The following CACNA1A variants were observed in gnomAD, a reference collection of about 807,000 sequenced individuals.
The protein encoded by CACNA1A is voltage-dependent P/Q-type calcium channel subunit alpha-1A.
CACNA1A carries 57 observed loss-of-function variants against 262.4 expected under a neutral mutation model. That is an observed-to-expected ratio of 0.22 (90% CI 0.18 to 0.27). The LOEUF (loss-of-function observed/expected upper bound fraction) is 0.27, where lower values mean the gene tolerates loss of function less well. Ranked by LOEUF, CACNA1A falls within the 10% of genes least tolerant of loss-of-function variation. The pLI is 1.00. For synonymous variants in CACNA1A, 1,431 were observed against 1,419.3 expected (o/e 1.01, Z -0.18); for missense variants, 2,526 against 3,562.8 (o/e 0.71, Z 7.41).
intron 4 of CACNA1A, among the ~76,000 whole-genome samples, chr19:13,368,912 C>T (rs926225185): frequency 7.0e-6 from 1 of 143,414 alleles, no homozygotes; most frequent in Non-Finnish European, 1.5e-5. Context: ...GTAGCGGGCG[C>T]CTGTAGTCCC....
intron 6 of CACNA1A, among the ~76,000 whole-genome samples, chr19:13,338,403 C>G (rs569912334): frequency 3.3e-5 from 5 of 152,130 alleles, no homozygotes; most frequent in African/African-American, 1.2e-4. Flanking sequence ...GTTACTGATC[C>G]AAGATCACTA....
At chr19:13,233,318 G>T (rs1600134353) in intron 34 of CACNA1A, among the ~76,000 whole-genome samples, 1 of 151,758 alleles carries the variant, frequency 6.6e-6, no homozygotes, top group Non-Finnish European at 1.5e-5. Context: ...TTCTTTTTTT[G>T]TTGTTAGATT....
At chr19:13,276,695 CTCT>C (rs1402062989) in intron 23 of CACNA1A, among the ~76,000 whole-genome samples, 1 of 89,916 alleles carries the variant, frequency 1.1e-5, no homozygotes, top group Non-Finnish European at 2.3e-5. Flanking sequence ...GGAATCCCAG[CTCT>C]TTTTTTTTTT....
At chr19:13,413,101 T>G (rs1018521289) in intron 3 of CACNA1A, among the ~76,000 whole-genome samples, 3 of 55,152 alleles carry the variant, frequency 5.4e-5, no homozygotes, top group Admixed American at 5.0e-4. Flanking sequence ...AAGTTTTTTG[T>G]TTTTTTTTTT....
Position 13,308,082 on chromosome 19 carries a change from C to T in CACNA1A, c.1913+38G>A, listed in dbSNP as rs1220700822. On this transcript the variant is annotated intron_variant, in intron 14 of 46. Coordinates refer to ENST00000360228, the MANE Select transcript of CACNA1A (RefSeq NM_001127222.2). This position sits in a 1 kb window ranked among gnomAD's most constrained non-coding sequence, Gnocchi z 4.2. Reference sequence around the variant, plus strand: ...ACTGTGTGTTCCCTGAGCCTGACCCCAGGGAACCAGGAGTTGGAATTCCTG... The same window carrying T: ...ACTGTGTGTTCCCTGAGCCTGACCCTAGGGAACCAGGAGTTGGAATTCCTG... 6 of 1,611,862 alleles carry T rather than the reference C, an allele frequency of 3.7e-6. No homozygotes were observed. Among genetic ancestry groups the T allele is most frequent in the Non-Finnish European group, 5.1e-6 (6 of 1,178,734 alleles).
At chr19:13,354,869 C>CTTTTT (rs56350383) in intron 6 of CACNA1A, among the ~76,000 whole-genome samples, 95 of 114,956 alleles carry the variant, frequency 8.3e-4, no homozygotes, top group East Asian at 1.7e-3. Flanking sequence ...TTTTCTTTTT[C>CTTTTT]TTTTTTTTTT....
intron 24 of CACNA1A, among the ~76,000 whole-genome samples, chr19:13,264,706 T>G (rs2056821219): frequency 6.6e-6 from 1 of 152,308 alleles, no homozygotes; most frequent in Middle Eastern, 3.4e-3. Context: ...AAATTACCTG[T>G]TGCTCCCTCC....
chr19:13,470,489 T>G (rs1276185697), intron 1 of CACNA1A, among the ~76,000 whole-genome samples: 5 of 152,226 alleles, frequency 3.3e-5, no homozygotes, highest in Non-Finnish European at 5.9e-5. Context: ...TCTTTTTCTA[T>G]CCAATCTCTA....
At chr19:13,304,733 A>T (rs1163918824) in intron 15 of CACNA1A, among the ~76,000 whole-genome samples, 1 of 151,376 alleles carries the variant, frequency 6.6e-6, no homozygotes. Context: ...ATGAGGACAC[A>T]GCAAGAAGGT....
At chr19:13,314,650 G>A (rs192807520) in intron 11 of CACNA1A, among the ~76,000 whole-genome samples, 95 of 152,280 alleles carry the variant, frequency 6.2e-4, no homozygotes, top group African/African-American at 2.2e-3. Flanking sequence ...CCAGAACTGT[G>A]AGAAAATAAA....
At position 13,230,116 on chromosome 19, in the gene CACNA1A, C is replaced by A; in HGVS notation, c.5494G>T (p.Val1832Leu). ...ILGPHHLDEYVRVWAEYDPAA... is the reference protein window; with the variant it reads ...ILGPHHLDEYLRVWAEYDPAA... ...GGGTCATACTCGGCCCAGACACGCA[C>A]GTACTCATCCAGGTGGTGGGGGCCC... is the stretch of plus-strand genomic sequence containing the variant. Residue 1832 changes from valine to leucine, a missense_variant, in exon 36 of 47, where the codon GTG becomes TTG. Physicochemically the swap from Val to Leu is conservative, Grantham distance 32 (BLOSUM62 1). Around this residue, in one of 17 missense-constraint regions of CACNA1A, gnomAD observed 112 missense variants for 197.2 expected, o/e 0.57. Transcript: ENST00000360228. The A allele has an allele frequency of 6.2e-7, 1 of 1,613,866 alleles. No homozygotes were observed. Among genetic ancestry groups the A allele is most frequent in the Non-Finnish European group, 8.5e-7 (1 of 1,179,860 alleles).
chr19:13,287,722 G>A (rs563506372), intron 19 of CACNA1A, among the ~76,000 whole-genome samples: 2 of 151,220 alleles, frequency 1.3e-5, no homozygotes, highest in East Asian at 1.9e-4. Flanking sequence ...GGCTGGTCTC[G>A]AATTCCTGAC....
chr19:13,312,125 T>C (rs1198363091), intron 12 of CACNA1A, among the ~76,000 whole-genome samples: 1 of 152,206 alleles, frequency 6.6e-6, no homozygotes, highest in East Asian at 1.9e-4. Flanking sequence ...CGTAGATTAT[T>C]CTCCAGGACT....
intron 3 of CACNA1A, among the ~76,000 whole-genome samples, chr19:13,414,744 G>A (rs2060191786): frequency 6.6e-6 from 1 of 152,036 alleles, no homozygotes; most frequent in African/African-American, 2.4e-5. Context: ...GATCGCTTGA[G>A]CCCAGGAGTT....
At chr19:13,246,064 G>A (rs1026585055) in intron 30 of CACNA1A, among the ~76,000 whole-genome samples, 4 of 152,188 alleles carry the variant, frequency 2.6e-5, no homozygotes, top group African/African-American at 9.7e-5. Context: ...AGGCCTCAGA[G>A]AGCCCACAGT....
rs759331923 is a variant in CACNA1A at position 13,208,879 on chromosome 19, A to ATGG, written c.6654_6656dup (p.His2219dup). The ATGG allele has an allele frequency of 6.8e-4, 987 of 1,453,796 alleles. No individual in the cohort carries two copies. Among genetic ancestry groups the ATGG allele is most frequent in the Middle Eastern group, 2.0e-3 (10 of 5,082 alleles). The allele number at this position is 1,453,796 out of a possible 1,614,324, so 90.1% of individuals were successfully genotyped here. A position where few individuals can be genotyped will look rare whatever the true frequency, so the allele number is the denominator to read the frequency against. ...AGCGGTCCTTGTCGGGGGGCGGGGG[A>ATGG]TGGTGGTGGTGGTGGTGGTGGTGGT... On this transcript the variant is annotated inframe_insertion, in exon 46 of 47. Transcript: ENST00000360228.
chr19:13,428,711 A>C (rs746776697), intron 3 of CACNA1A, among the ~76,000 whole-genome samples: 9 of 152,130 alleles, frequency 5.9e-5, no homozygotes, highest in Non-Finnish European at 1.0e-4. Flanking sequence ...TGGGATTCCC[A>C]AATCCAAATG....
chr19:13,448,928 A>G (rs1027948109), intron 3 of CACNA1A, among the ~76,000 whole-genome samples: 1 of 151,872 alleles, frequency 6.6e-6, no homozygotes, highest in Non-Finnish European at 1.5e-5. Flanking sequence ...AGTACCACAT[A>G]TCTCTTTTTT....
chr19:13,214,338 G>A lies in CACNA1A; in HGVS notation c.5840-5C>T. The A allele has an allele frequency of 2.5e-6, 4 of 1,612,486 alleles. No homozygotes were observed. The highest frequency in any genetic ancestry group is 1.7e-6 in the Non-Finnish European group (2 of 1,179,634). On this transcript the variant is annotated splice_region_variant and splice_polypyrimidine_tract_variant and intron_variant, in intron 39 of 46. Transcript: ENST00000360228. This position sits in a 1 kb window ranked among gnomAD's most constrained non-coding sequence, Gnocchi z 4.1. ...TCCCCACGGTGAGGTCCGTGGCTGG[G>A]GGCACACACACGGTGAGCTCACCAA...
Sources: allele counts gnomAD v4.1 joint callset (sites outside exome capture counted in the v4.1 genomes callset), GRCh38; gene constraint gnomAD v4.1.1; regional missense constraint gnomAD v4.1.1; non-coding constraint Gnocchi (gnomAD v3.1); transcripts MANE v1.5; gene names NCBI Gene and HGNC (gene_info 2026-07-23, HGNC 2026-07-21).